Variants in FRMPD2 observed in about 807,000 individuals in gnomAD.
FRMPD2 encodes FERM and PDZ domain-containing protein 2.
A neutral mutation model predicts 140.1 loss-of-function variants in FRMPD2; 96 were observed. The ratio of observed to expected loss-of-function variants is 0.69; its 90% CI spans 0.58 to 0.81. The LOEUF (loss-of-function observed/expected upper bound fraction) is 0.81, where lower values mean the gene tolerates loss of function less well. FRMPD2 is among the 40% of genes least tolerant of loss of function. The pLI is 0.00. For missense variants in FRMPD2, 1,240 were observed against 1,447.4 expected, an observed-to-expected ratio of 0.86 and a Z score of 2.32; for synonymous variants, 449 against 547.6, an observed-to-expected ratio of 0.82 and a Z score of 2.52.
chr10:48,204,157 C>G (rs889791795), intron 14 of FRMPD2, among the ~76,000 whole-genome samples: 2 of 152,278 alleles, frequency 1.3e-5, no homozygotes, highest in East Asian at 3.9e-4. Flanking sequence ...GAGCCAGTAG[C>G]TGATCTACAG....
chr10:48,217,940 T>A (rs924419955), intron 12 of FRMPD2, among the ~76,000 whole-genome samples: 3 of 152,336 alleles, frequency 2.0e-5, no homozygotes, highest in Non-Finnish European at 4.4e-5. Context: ...CTACTAGGGT[T>A]GCCATAACAA....
chr10:48,248,991 C>G (rs768289168), intron 3 of FRMPD2, 30 bp downstream of exon 3: 1 of 1,573,368 alleles, frequency 6.4e-7, no homozygotes, highest in Non-Finnish European at 8.7e-7. Context: ...GCACAGGACT[C>G]AGAAGTTGCA....
chr10:48,237,865 T>A (rs1840005528), intron 8 of FRMPD2, 126 bp downstream of exon 8: 2 of 1,172,490 alleles, frequency 1.7e-6, no homozygotes, highest in African/African-American at 3.1e-5. Context: ...AGTCCAATCC[T>A]ATAAACCTCA....
At chr10:48,222,121 A>G (rs1158206085) in intron 12 of FRMPD2, among the ~76,000 whole-genome samples, 192 bp downstream of exon 12, 1 of 105,628 alleles carries the variant, frequency 9.5e-6, no homozygotes, top group Non-Finnish European at 2.0e-5. Flanking sequence ...TGAATCAATG[A>G]ATAGGTGGAT....
intron 17 of FRMPD2, 76 bp downstream of exon 17, chr10:48,187,116 G>A (rs1215303709): frequency 3.5e-6 from 3 of 859,768 alleles, no homozygotes; most frequent in African/African-American, 1.7e-5. Context: ...AAAAATAAGT[G>A]GTGGTAAAAG....
chr10:48,244,891 T>C (rs1204051703), intron 3 of FRMPD2, 42 bp from the exon 4 acceptor site: 1 of 1,371,340 alleles, frequency 7.3e-7, no homozygotes. Flanking sequence ...CAATCATCTC[T>C]GTTATTCCAT....
At chr10:48,247,839 A>T (rs1044724387) in intron 3 of FRMPD2, among the ~76,000 whole-genome samples, 11 of 152,126 alleles carry the variant, frequency 7.2e-5, no homozygotes, top group African/African-American at 2.7e-4. Context: ...AGAGGCACGC[A>T]AGTCTGTGTC....
chr10:48,224,153 C>T (rs1839671545), intron 10 of FRMPD2, among the ~76,000 whole-genome samples: 1 of 152,174 alleles, frequency 6.6e-6, no homozygotes, highest in African/African-American at 2.4e-5. Context: ...TCCTCCAGTA[C>T]CCCTGGGAGG....
intron 10 of FRMPD2, among the ~76,000 whole-genome samples, chr10:48,225,637 C>T (rs1434786168): frequency 6.6e-6 from 1 of 152,198 alleles, no homozygotes; most frequent in Non-Finnish European, 1.5e-5. Context: ...CAATCTCCTG[C>T]TAATTCCAGA....
At chr10:48,179,781 G>A (rs2258811) in intron 21 of FRMPD2, among the ~76,000 whole-genome samples, 52 of 152,242 alleles carry the variant, frequency 3.4e-4, no homozygotes, top group Non-Finnish European at 1.3e-4. Context: ...AAAGAGAAAC[G>A]AGGTTGAAAG....
intron 4 of FRMPD2, 90 bp from the exon 5 acceptor site, chr10:48,242,442 G>A: frequency 8.7e-7 from 1 of 1,152,466 alleles, no homozygotes; most frequent in South Asian, 1.5e-5. Flanking sequence ...TGGAGACATG[G>A]AAACGGGTGT....
At chr10:48,222,195 C>A (rs1839611742) in intron 12 of FRMPD2, 118 bp downstream of exon 12, 1 of 984,852 alleles carries the variant, frequency 1.0e-6, no homozygotes, top group Non-Finnish European at 1.5e-6. Flanking sequence ...TTACTCCAAT[C>A]TAGCTGGTAG....
intron 11 of FRMPD2, among the ~76,000 whole-genome samples, chr10:48,222,902 G>A (rs368708302): frequency 6.6e-6 from 1 of 152,058 alleles, no homozygotes; most frequent in African/African-American, 2.4e-5. Flanking sequence ...CTGAAACAAA[G>A]GGCATATTCT....
At chr10:48,268,631 G>A (rs1193582273) in intron 1 of FRMPD2, among the ~76,000 whole-genome samples, 1 of 152,206 alleles carries the variant, frequency 6.6e-6, no homozygotes, top group East Asian at 1.9e-4. Context: ...GCATTAGGCT[G>A]AATGAGAAAA....
chr10:48,259,836 CA>C (rs1564442842), intron 1 of FRMPD2, among the ~76,000 whole-genome samples: 2 of 152,006 alleles, frequency 1.3e-5, no homozygotes, highest in African/African-American at 4.8e-5. Context: ...AGCTAAAGAA[CA>C]GCAAGGCCCA....
chr10:48,233,081 T>C (rs936847331), intron 9 of FRMPD2, among the ~76,000 whole-genome samples: 3 of 152,190 alleles, frequency 2.0e-5, no homozygotes, highest in Non-Finnish European at 4.4e-5. Flanking sequence ...AGTATCCCCA[T>C]GTCCCAAAGC....
chr10:48,242,403 A>C, intron 4 of FRMPD2, 51 bp from the exon 5 acceptor site: 1 of 1,530,642 alleles, frequency 6.5e-7, no homozygotes. Context: ...AGCTGCCACT[A>C]CGAGGCCAGC....
At chr10:48,242,438 C>T in intron 4 of FRMPD2, 86 bp from the exon 5 acceptor site, 1 of 1,221,548 alleles carries the variant, frequency 8.2e-7, no homozygotes, top group South Asian at 1.4e-5. Context: ...GCCTTGGAGA[C>T]ATGGAAACGG....
chr10:48,173,955 C>T (rs1366029030), intron 24 of FRMPD2, among the ~76,000 whole-genome samples: 20 of 152,338 alleles, frequency 1.3e-4, no homozygotes, highest in Admixed American at 5.2e-4. Context: ...TTCCTACCTG[C>T]TTAAGCTGCC....
Sources: allele counts gnomAD v4.1 joint callset (sites outside exome capture counted in the v4.1 genomes callset), GRCh38; gene constraint gnomAD v4.1.1; transcripts MANE v1.5; gene names NCBI Gene and HGNC (gene_info 2026-07-23, HGNC 2026-07-21).